The following PLEKHA6 variants were observed in gnomAD, a reference collection of about 807,000 sequenced individuals.
PLEKHA6 encodes the protein pleckstrin homology domain containing A6.
PLEKHA6 carries 60 observed loss-of-function variants against 116.7 expected under a neutral mutation model. The observed-to-expected ratio is 0.51, with a 90% confidence interval of 0.42 to 0.64. The LOEUF (loss-of-function observed/expected upper bound fraction) is 0.64. PLEKHA6 is among the 30% of genes least tolerant of loss of function. PLEKHA6 has a pLI of 0.00. For synonymous variants in PLEKHA6, 489 were observed against 556.1 expected, an observed-to-expected ratio of 0.88 and a Z score of 1.70; for missense variants, 1,338 against 1,422.7, an observed-to-expected ratio of 0.94 and a Z score of 0.96.
chr1:204,310,910 T>A (rs1168805310), intron 1 of PLEKHA6, among the ~76,000 whole-genome samples: 4 of 152,156 alleles, frequency 2.6e-5, no homozygotes, highest in Non-Finnish European at 5.9e-5. Flanking sequence ...GAAGAATGCC[T>A]CCGGTGATGA....
chr1:204,370,457 C>T (rs551922850), intron 2 of PLEKHA6, among the ~76,000 whole-genome samples: 1 of 152,262 alleles, frequency 6.6e-6, no homozygotes, highest in South Asian at 2.1e-4. Context: ...ACCCACACCC[C>T]CTCTTACTGG....
chr1:204,366,386 G>A (rs1572234948), intron 3 of PLEKHA6, among the ~76,000 whole-genome samples: 1 of 152,000 alleles, frequency 6.6e-6, no homozygotes, highest in Non-Finnish European at 1.5e-5. Context: ...AGGAGAAAGA[G>A]GAGGAGGAGA....
chr1:204,228,012 C>T lies in PLEKHA6; in HGVS notation c.3031+71G>A, dbSNP rs1660602947. On this transcript the variant is annotated intron_variant, in intron 21 of 22. Transcript: ENST00000272203. This position sits in a 1 kb window ranked among gnomAD's most constrained non-coding sequence, Gnocchi z 4.0. ...TGCTACTGCCCCCCTTGTAGCAGTG[C>T]CACGCTTCCTCCCTTAAACCTGGTC... The T allele has an allele frequency of 1.3e-6, 2 of 1,497,960 alleles. No homozygotes were observed. The highest frequency in any genetic ancestry group is 2.8e-5 in the African/African-American group (2 of 72,288). The allele number at this position is 1,497,960 out of a possible 1,614,324, so 92.8% of individuals were successfully genotyped here.
chr1:204,313,044 C>G (rs1162583600), intron 1 of PLEKHA6, among the ~76,000 whole-genome samples: 9 of 139,732 alleles, frequency 6.4e-5, no homozygotes, highest in Non-Finnish European at 9.3e-5. Context: ...CTTTCCCTCC[C>G]TCTGTCCCTC....
chr1:204,309,832 AT>A, intron 1 of PLEKHA6: 1 of 323,932 alleles, frequency 3.1e-6, no homozygotes, highest in Non-Finnish European at 4.4e-6. Context: ...TTAGATATAT[AT>A]TTTTAGCTTT....
chr1:204,373,086 C>CTTTTTTTTTTTTTTT (rs973883787), intron 1 of PLEKHA6, among the ~76,000 whole-genome samples: 1 of 113,432 alleles, frequency 8.8e-6, no homozygotes, highest in Non-Finnish European at 1.8e-5. Flanking sequence ...TTTTTTCTTT[C>CTTTTTTTTTTTTTTT]TTTTTTTTTT....
chr1:204,337,718 G>C (rs532234549), intron 1 of PLEKHA6, among the ~76,000 whole-genome samples: 11 of 123,776 alleles, frequency 8.9e-5, no homozygotes, highest in South Asian at 2.5e-4. Context: ...CTCTCACTTG[G>C]GGGGGGAATC....
chr1:204,367,455 C>T (rs1392155073), intron 3 of PLEKHA6, among the ~76,000 whole-genome samples: 1 of 152,188 alleles, frequency 6.6e-6, no homozygotes, highest in Non-Finnish European at 1.5e-5. Flanking sequence ...GGCTGCGTCT[C>T]CTGCCTCTGA....
intron 1 of PLEKHA6, among the ~76,000 whole-genome samples, chr1:204,376,608 T>C (rs2942146): frequency 0.99 from 151,494 of 152,352 alleles, 75,326 homozygotes; most frequent in Middle Eastern, 1. Flanking sequence ...GTTTGGTACC[T>C]GGGGAAGCAG....
At position 204,257,672 on chromosome 1, in the gene PLEKHA6, G is replaced by A. The variant is rs749035250; in HGVS notation, c.1205C>T (p.Pro402Leu). 8.7e-6 allele frequency: 14 copies of A among 1,610,356 alleles called. No homozygotes were observed. Among genetic ancestry groups the A allele is most frequent in the Middle Eastern group, 1.6e-4 (1 of 6,072 alleles). Reference protein sequence around the residue: ...KRHAFRNGGGPAYQLREWKEP... With the variant: ...KRHAFRNGGGLAYQLREWKEP... ...CTTCCACTCTCGCAGCTGGTAGGCAGGGCCACCCCCATTGCGGAAGGCATG... is the reference window on the plus strand; with the variant it reads ...CTTCCACTCTCGCAGCTGGTAGGCAAGGCCACCCCCATTGCGGAAGGCATG... Residue 402 changes from proline to leucine, a missense_variant, in exon 9 of 23, where the codon CCT becomes CTT. By Grantham distance (98) the Pro-to-Leu change is moderately conservative (BLOSUM62 -3). This residue lies in a region of PLEKHA6 where 1,136 missense variants were observed against 1,163.6 expected (regional missense o/e 0.98). Transcript: ENST00000272203. This position sits in a 1 kb window ranked among gnomAD's most constrained non-coding sequence, Gnocchi z 6.5.
upstream of PLEKHA6, among the ~76,000 whole-genome samples, chr1:204,361,306 C>T (rs1355780689): frequency 3.9e-5 from 6 of 152,342 alleles, no homozygotes; most frequent in East Asian, 7.7e-4. Context: ...TTTTTACCAA[C>T]TGAAGCCCTT....
intron 1 of PLEKHA6, among the ~76,000 whole-genome samples, chr1:204,314,311 C>T (rs1226780218): frequency 2.6e-5 from 4 of 152,222 alleles, no homozygotes; most frequent in Non-Finnish European, 2.9e-5. Context: ...CTGTTTCACC[C>T]TTCAAATGGA....
At chr1:204,302,399 T>C (rs1031504320) in intron 1 of PLEKHA6, among the ~76,000 whole-genome samples, 2 of 152,214 alleles carry the variant, frequency 1.3e-5, no homozygotes, top group Admixed American at 1.3e-4. Flanking sequence ...GGAAAAGCCA[T>C]GCTGCATGAT....
chr1:204,371,053 C>CAAAAAAAAAAAAAAAA (rs34493461), intron 2 of PLEKHA6, among the ~76,000 whole-genome samples: 17 of 68,470 alleles, frequency 2.5e-4, no homozygotes, highest in African/African-American at 9.5e-4. Context: ...GACTCTGCCT[C>CAAAAAAAAAAAAAAAA]AAAAAAAAAA....
At chr1:204,308,625 C>T (rs1004715639) in intron 1 of PLEKHA6, among the ~76,000 whole-genome samples, 1 of 151,562 alleles carries the variant, frequency 6.6e-6, no homozygotes, top group African/African-American at 2.4e-5. Context: ...AGTAAATGCC[C>T]ATTGCTCTTC....
At chr1:204,289,741 A>G (rs1669559149) in intron 1 of PLEKHA6, among the ~76,000 whole-genome samples, 1 of 152,208 alleles carries the variant, frequency 6.6e-6, no homozygotes, top group African/African-American at 2.4e-5. Context: ...GAACAGAAAG[A>G]TGCTCATGCT....
intron 17 of PLEKHA6, among the ~76,000 whole-genome samples, chr1:204,231,113 T>C (rs1661126810): frequency 6.6e-6 from 1 of 152,160 alleles, no homozygotes; most frequent in South Asian, 2.1e-4. Flanking sequence ...CTAACACAGA[T>C]TTTGATACTG....
At chr1:204,276,672 A>ACACG (rs1668045568) in intron 1 of PLEKHA6, among the ~76,000 whole-genome samples, 1 of 151,738 alleles carries the variant, frequency 6.6e-6, no homozygotes, top group East Asian at 1.9e-4. Context: ...ACACACACAC[A>ACACG]CACACACAGA....
intron 21 of PLEKHA6, among the ~76,000 whole-genome samples, chr1:204,224,663 T>A (rs17333220): frequency 0.082 from 12,529 of 152,322 alleles, 609 homozygotes; most frequent in Middle Eastern, 0.14. Context: ...AGTTTGTGCA[T>A]GGGATCTGGC....
Sources: gnomAD v4.1 joint callset for allele counts (sites outside exome capture counted in the v4.1 genomes callset) on GRCh38, gnomAD v4.1.1 for gene constraint, gnomAD v4.1.1 regional missense constraint, Gnocchi (gnomAD v3.1) non-coding constraint, MANE v1.5 for transcripts, NCBI Gene and HGNC (gene_info 2026-07-23, HGNC 2026-07-21) for gene names.